CDH23: variants seen among roughly 807,000 people sequenced by gnomAD.
CDH23 encodes cadherin related 23.
In CDH23, 189 loss-of-function variants were observed where a neutral mutation model predicts 317.1. The ratio of observed to expected loss-of-function variants is 0.60; its 90% CI spans 0.53 to 0.67. The LOEUF is 0.67. CDH23 is among the 30% of genes least tolerant of loss of function. CDH23 has a pLI of 0.00. For synonymous variants in CDH23, 1,839 were observed against 1,876.8 expected, an observed-to-expected ratio of 0.98 and a Z score of 0.52; for missense variants, 4,401 against 4,592.4, an observed-to-expected ratio of 0.96 and a Z score of 1.20.
chr10:71,639,845 C>T (rs1411598396), intron 11 of CDH23, among the ~76,000 whole-genome samples: 2 of 152,192 alleles, frequency 1.3e-5, no homozygotes, highest in Non-Finnish European at 2.9e-5. Flanking sequence ...ATATCTCTCT[C>T]TCACACACAC....
In CDH23 at chr10:71,812,248, G is replaced by T. The variant is rs748557823; in HGVS notation, c.9381-232G>T. On this transcript the variant is annotated intron_variant, in intron 66 of 69. Transcript: ENST00000224721. Reference sequence around the variant, plus strand: ...CCAGGGGATGCAGACTTTGGGCAGTGGGTGCAGGGTGAAGCCTCTGCACCA... The same window carrying T: ...CCAGGGGATGCAGACTTTGGGCAGTTGGTGCAGGGTGAAGCCTCTGCACCA... The T allele has an allele frequency of 1.9e-6, 3 of 1,598,298 alleles. No individual in the cohort carries two copies. The African/African-American group carries it at 4.0e-5, about 21-fold the overall frequency.
chr10:71,529,353 C>T lies in CDH23; in HGVS notation c.429+18141C>T, dbSNP rs1012264271. ...GCAACAGCCAGTTCTGGAGCAGGGC[C>T]GCCCTCTGGGGTCATGCACGTAGTA... On this transcript the variant is annotated intron_variant, in intron 6 of 69. Coordinates refer to ENST00000224721, the MANE Select transcript of CDH23 (RefSeq NM_022124.6). 2.6e-5 allele frequency among the ~76,000 whole-genome samples: 4 copies of T among 152,132 alleles called. No individual in the cohort carries two copies. In the East Asian group the frequency reaches 5.8e-4, roughly 22 times the overall value.
At chr10:71,560,561 C>G (rs963204834) in intron 6 of CDH23, among the ~76,000 whole-genome samples, 1 of 152,158 alleles carries the variant, frequency 6.6e-6, no homozygotes, top group Admixed American at 6.5e-5. Flanking sequence ...CCACCACTTA[C>G]AATCTGTGCG....
chr10:71,755,434 A>T, intron 38 of CDH23: 1 of 1,613,156 alleles, frequency 6.2e-7, no homozygotes, highest in Non-Finnish European at 8.5e-7. Flanking sequence ...CCTACGATGC[A>T]GGCACCCGTA....
At chr10:71,781,721 C>T (rs149002752) in intron 41 of CDH23, among the ~76,000 whole-genome samples, 9 of 152,328 alleles carry the variant, frequency 5.9e-5, no homozygotes, top group East Asian at 1.9e-4. Context: ...GAGTGAGAGA[C>T]GCCTAGGAGT....
intron 22 of CDH23, among the ~76,000 whole-genome samples, chr10:71,697,419 A>G (rs1409219697): frequency 6.6e-6 from 1 of 152,252 alleles, no homozygotes. Context: ...CTGTAATCTC[A>G]GCACTTTGGG....
rs565888769 is a variant in CDH23 at position 71,408,939 on chromosome 10, T to G, written c.-6+11621T>G. On this transcript the variant is annotated intron_variant, in intron 1 of 69. Transcript: ENST00000224721. ...CTTTCTAGTGTTGATGCAGACGGCC[T>G]TGGCCATGTGTGCACGTGTGTGTGT... Among the ~76,000 whole-genome samples the G allele has an allele frequency of 2.0e-5, 3 of 152,356 alleles. No individual in the cohort carries two copies. The South Asian group carries it at 6.2e-4, about 32-fold the overall frequency.
At chr10:71,425,303 G>T (rs1244914129) in intron 1 of CDH23, among the ~76,000 whole-genome samples, 4 of 140,934 alleles carry the variant, frequency 2.8e-5, no homozygotes, top group Non-Finnish European at 6.1e-5. Context: ...CGAAGGAGGA[G>T]AAGGAAGGGA....
At chr10:71,605,232 T>C (rs1860460536) in intron 9 of CDH23, among the ~76,000 whole-genome samples, 3 of 151,628 alleles carry the variant, frequency 2.0e-5, no homozygotes, top group Non-Finnish European at 4.4e-5. Flanking sequence ...TTAAAGGAAC[T>C]TGTATTGACC....
rs371886908 is a variant in CDH23, at chr10:71,788,991, C to G, written c.5872C>G (p.Leu1958Val). ...FLSDENDNHP[L>V]FTKSTYQAEV... ...TTCTGATGAGAATGACAACCACCCC[C>G]TCTTCACTAAAAGCACCTACCAGGC... The change falls in exon 45 of 70, where the codon CTC becomes GTC. Residue 1958 changes from leucine to valine, a missense_variant. By Grantham distance (32) the Leu-to-Val change is conservative. Transcript: ENST00000224721. 1.2e-6 allele frequency: 2 copies of G among 1,606,852 alleles called. No individual in the cohort carries two copies. The highest frequency in any genetic ancestry group is 2.7e-5 in the African/African-American group (2 of 74,782).
chr10:71,553,672 C>T (rs1856724187), intron 6 of CDH23, among the ~76,000 whole-genome samples: 1 of 152,218 alleles, frequency 6.6e-6, no homozygotes, highest in Non-Finnish European at 1.5e-5. Flanking sequence ...ATTTGTTAGG[C>T]ACCGCTTCCC....
intron 1 of CDH23, among the ~76,000 whole-genome samples, chr10:71,420,425 A>ATGGTAATGGTGATAG: frequency 7.4e-6 from 1 of 134,752 alleles, no homozygotes; most frequent in East Asian, 2.2e-4. Flanking sequence ...GGTGATGGTG[A>ATGGTAATGGTGATAG]TGATGATGAT....
At chr10:71,765,331 G>A (rs1840509016) in intron 38 of CDH23, among the ~76,000 whole-genome samples, 1 of 152,272 alleles carries the variant, frequency 6.6e-6, no homozygotes, top group Admixed American at 6.5e-5. Flanking sequence ...CCAAAGGGCT[G>A]GCTCAGCAGA....
chr10:71,590,390 G>A (rs1859384890), intron 9 of CDH23, among the ~76,000 whole-genome samples: 1 of 152,122 alleles, frequency 6.6e-6, no homozygotes, highest in Non-Finnish European at 1.5e-5. Flanking sequence ...GTGCAAGGTG[G>A]GTGGAATCAG....
At chr10:71,532,472 G>A (rs1425424277) in intron 6 of CDH23, among the ~76,000 whole-genome samples, 1 of 152,126 alleles carries the variant, frequency 6.6e-6, no homozygotes, top group Non-Finnish European at 1.5e-5. Context: ...ACTTGGAGAG[G>A]TGAGTTAACC....
chr10:71,566,731 C>G lies in CDH23; in HGVS notation c.430-11C>G. 1.3e-6 allele frequency: 2 copies of G among 1,580,830 alleles called. No individual in the cohort carries two copies. The highest frequency in any genetic ancestry group is 1.3e-5 in the African/African-American group (1 of 74,682). On this transcript the variant is annotated splice_polypyrimidine_tract_variant and intron_variant, in intron 6 of 69. Transcript: ENST00000224721. ...GGCTCACCCTTGTACTTGCTTTGCTCTCATCCCCAGAATACACCAGTGGGG... is the reference window on the plus strand; with the variant it reads ...GGCTCACCCTTGTACTTGCTTTGCTGTCATCCCCAGAATACACCAGTGGGG...
chr10:71,793,464 A>G lies in CDH23; in HGVS notation c.6536A>G (p.Gln2179Arg), dbSNP rs751765140. The G allele has an allele frequency of 1.2e-6, 2 of 1,613,958 alleles. No homozygotes were observed. Among genetic ancestry groups the G allele is most frequent in the Admixed American group, 3.3e-5 (2 of 60,010 alleles). Residue 2179 changes from glutamine (Q) to arginine (R), a missense_variant, in exon 48 of 70, where the codon CAG (glutamine) becomes CGG (arginine). Gln to Arg is a conservative substitution (Grantham distance 43). This residue lies in a region of CDH23 where 3,068 missense variants were observed against 3,203.3 expected (regional missense o/e 0.96). Coordinates refer to ENST00000224721, the MANE Select transcript of CDH23 (RefSeq NM_022124.6). ...DSRPEFLNPIQTVSVLESAEP... is the reference protein window; with the variant it reads ...DSRPEFLNPIRTVSVLESAEP... ...CGCCCCGAGTTCCTCAACCCCATCC[A>G]GACAGTGAGCGTGCTGGAGTCGGCT...
At chr10:71,443,521 G>GT (rs1426508662) in intron 2 of CDH23, among the ~76,000 whole-genome samples, 7 of 152,382 alleles carry the variant, frequency 4.6e-5, no homozygotes, top group African/African-American at 1.7e-4. Flanking sequence ...CTAGAACTAA[G>GT]TAAAGCAGGC....
At chr10:71,797,007 T>C in intron 48 of CDH23, 97 bp from the exon 49 acceptor site, 1 of 734,768 alleles carries the variant, frequency 1.4e-6, no homozygotes. Flanking sequence ...CCGTCATCCT[T>C]TGTGGGGATT....
Sources: gnomAD v4.1 joint callset for allele counts (sites outside exome capture counted in the v4.1 genomes callset) on GRCh38, gnomAD v4.1.1 for gene constraint, gnomAD v4.1.1 regional missense constraint, MANE v1.5 for transcripts, NCBI Gene and HGNC (gene_info 2026-07-23, HGNC 2026-07-21) for gene names.